PAM: variants seen among roughly 807,000 people sequenced by gnomAD.
PAM encodes the protein peptidylglycine alpha-amidating monooxygenase, also known as peptidyl-glycine alpha-amidating monooxygenase.
A neutral mutation model predicts 122.1 loss-of-function variants in PAM; 72 were observed. The observed-to-expected ratio is 0.59, with a 90% CI of 0.49 to 0.72. The LOEUF is 0.72. Ranked by LOEUF, PAM falls within the 30% of genes least tolerant of loss-of-function variation. The pLI, the probability that PAM is intolerant of heterozygous loss-of-function variation, is 0.00. For synonymous variants in PAM, 389 were observed against 404.4 expected (o/e 0.96, Z 0.46); for missense variants, 1,106 against 1,183.7 (o/e 0.93, Z 0.96).
rs186173060 is a variant in PAM at position 102,759,380 on chromosome 5, T to A, written c.-374+4032T>A. ...GGAGCATGATGCCTTAGAATGGAAG[T>A]CAGGCAGAAAATGTTAAACAATACA... On this transcript the variant is annotated intron_variant, in intron 1 of 25. Transcript: ENST00000438793. Among the ~76,000 whole-genome samples, 15 of 152,078 alleles carry A rather than the reference T, an allele frequency of 9.9e-5. No individual in the cohort carries two copies. In the East Asian group the frequency reaches 2.9e-3, roughly 29 times the overall value.
chr5:102,986,109 C>G (rs890892114), intron 15 of PAM, among the ~76,000 whole-genome samples: 1 of 152,168 alleles, frequency 6.6e-6, no homozygotes, highest in South Asian at 2.1e-4. Flanking sequence ...CCCCGTAGAG[C>G]AAACCCATGG....
chr5:102,959,261 C>G (rs1236475450), intron 12 of PAM, among the ~76,000 whole-genome samples: 1 of 151,952 alleles, frequency 6.6e-6, no homozygotes, highest in Non-Finnish European at 1.5e-5. Context: ...TCTTTTCAAC[C>G]CTGCTATAAA....
rs1160550246 is a variant in PAM, at chr5:102,803,136, AG to A, written c.-374+47789del. 2.7e-4 allele frequency among the ~76,000 whole-genome samples: 37 copies of A among 137,042 alleles called. 1 individual carries two copies. The highest frequency in any genetic ancestry group is 9.2e-4 in the African/African-American group (31 of 33,518). 89.9% of individuals were successfully genotyped at this position (137,042 alleles called of 152,430 possible). A position where few individuals can be genotyped will look rare whatever the true frequency, so the allele number is the denominator to read the frequency against. ...AGATTCTGTGTCCAAAAAAAAAGAA[AG>A]AAAGAAAGAAAGGAAGGAAGGAAGG... is the stretch of plus-strand genomic sequence containing the variant. On this transcript the variant is annotated intron_variant, in intron 1 of 25. Coordinates refer to ENST00000438793, the MANE Select transcript of PAM (RefSeq NM_001177306.2).
intron 4 of PAM, 137 bp from the exon 5 acceptor site, chr5:102,913,797 G>C: frequency 1.7e-6 from 1 of 596,818 alleles, no homozygotes; most frequent in Non-Finnish European, 3.0e-6. Flanking sequence ...AATTTATACA[G>C]ACAGGGCATT....
intron 3 of PAM, among the ~76,000 whole-genome samples, chr5:102,899,270 A>G (rs1797011902): frequency 6.6e-6 from 1 of 151,658 alleles, no homozygotes. Context: ...TAATTATAGT[A>G]TGGATCTGAT....
At chr5:103,025,380 GTGTT>G (rs771587905) in intron 24 of PAM, 46 bp downstream of exon 24, 10 of 1,466,548 alleles carry the variant, frequency 6.8e-6, no homozygotes, top group South Asian at 2.3e-5. Context: ...CTTTGAAAGA[GTGTT>G]TGGCCTAATT....
At chr5:103,015,359 T>G (rs1266870103) in intron 21 of PAM, among the ~76,000 whole-genome samples, 1 of 152,160 alleles carries the variant, frequency 6.6e-6, no homozygotes. Flanking sequence ...AAATACAAGA[T>G]TTTGAAGGCA....
At chr5:102,907,891 G>A (rs998682715) in intron 4 of PAM, among the ~76,000 whole-genome samples, 3 of 151,818 alleles carry the variant, frequency 2.0e-5, no homozygotes, top group Non-Finnish European at 4.4e-5. Context: ...CAGATGAGTA[G>A]GTTGCAAAAA....
At position 102,866,878 on chromosome 5, in the gene PAM, C is replaced by T. The variant is rs141651945; in HGVS notation, c.90-395C>T. ...TACTGGGTCATGGTTAATATTTCTG[C>T]CATTAGAAAATTGGCATGCCTGTGA... On this transcript the variant is annotated intron_variant, in intron 2 of 25. Transcript: ENST00000438793. Among the ~76,000 whole-genome samples the T allele has an allele frequency of 7.1e-3, 1,073 of 152,198 alleles. 12 individuals carry two copies. The highest frequency in any genetic ancestry group is 0.024 in the African/African-American group (979 of 41,530).
chr5:102,929,419 A>T (rs1236295679), intron 7 of PAM, among the ~76,000 whole-genome samples: 1 of 152,218 alleles, frequency 6.6e-6, no homozygotes, highest in Non-Finnish European at 1.5e-5. Context: ...CAAACACACA[A>T]TTATACACAT....
intron 5 of PAM, among the ~76,000 whole-genome samples, chr5:102,920,245 T>C (rs1746935531): frequency 6.6e-6 from 1 of 152,088 alleles, no homozygotes; most frequent in Admixed American, 6.6e-5. Flanking sequence ...TTTGGTGTAG[T>C]GTCTGGCATG....
chr5:102,758,068 A>ATTTTGT (rs1561362102), intron 1 of PAM, among the ~76,000 whole-genome samples: 31 of 87,622 alleles, frequency 3.5e-4, no homozygotes, highest in African/African-American at 1.1e-3. Flanking sequence ...AAGACTTAGA[A>ATTTTGT]TTTTGTTTTT....
At chr5:102,850,674 G>A (rs774690972) in intron 1 of PAM, among the ~76,000 whole-genome samples, 19 of 152,172 alleles carry the variant, frequency 1.2e-4, no homozygotes, top group Non-Finnish European at 2.8e-4. Context: ...AGATCACATG[G>A]CCACTTGGTG....
In PAM at chr5:102,990,316, T is replaced by C; in HGVS notation, c.1528T>C (p.Leu510=). 6.2e-7 allele frequency: 1 copy of C among 1,607,252 alleles called. No homozygotes were observed. The highest frequency in any genetic ancestry group is 1.1e-5 in the South Asian group (1 of 90,352). ...ACTGGATTGGCCTGGAGTATACTTG[T>C]TACCAGGCCAGGTTTCTGGGGTGGC... The part of the protein sequence containing the change: ...EALDWPGVYL[L]PGQVSGVALD... The change falls in exon 16 of 26, where the codon TTA becomes CTA. Residue 510 remains leucine (L), a synonymous_variant. Transcript: ENST00000438793.
chr5:103,027,465 G>A (rs1474845118), intron 24 of PAM, among the ~76,000 whole-genome samples: 2 of 152,152 alleles, frequency 1.3e-5, no homozygotes, highest in Non-Finnish European at 2.9e-5. Flanking sequence ...TGAAGCCTGG[G>A]AAATAGTACA....
At chr5:102,912,252 G>A (rs1180029129) in intron 4 of PAM, among the ~76,000 whole-genome samples, 3 of 151,974 alleles carry the variant, frequency 2.0e-5, no homozygotes, top group South Asian at 4.1e-4. Flanking sequence ...AAAGCAGAGG[G>A]GTCAGATAAC....
chr5:102,901,218 A>G (rs990857255), intron 3 of PAM, 138 bp from the exon 4 acceptor site: 1 of 571,766 alleles, frequency 1.7e-6, no homozygotes, highest in Non-Finnish European at 3.2e-6. Context: ...CTTTCCATTA[A>G]CCTGCCACTC....
chr5:102,813,274 G>A (rs1465992194), intron 1 of PAM, among the ~76,000 whole-genome samples: 1 of 152,128 alleles, frequency 6.6e-6, no homozygotes, highest in African/African-American at 2.4e-5. Context: ...AATCTTTCTT[G>A]GTCAGTGGGC....
At chr5:102,795,664 G>A (rs145790562) in intron 1 of PAM, among the ~76,000 whole-genome samples, 115 of 152,288 alleles carry the variant, frequency 7.6e-4, no homozygotes, top group Middle Eastern at 3.4e-3. Context: ...AGGAACATAC[G>A]TATTTGTGCT....
Sources: gnomAD v4.1 joint callset for allele counts (sites outside exome capture counted in the v4.1 genomes callset) on GRCh38, gnomAD v4.1.1 for gene constraint, MANE v1.5 for transcripts, NCBI Gene and HGNC (gene_info 2026-07-23, HGNC 2026-07-21) for gene names.